OR4K17: variants seen among roughly 807,000 people sequenced by gnomAD.
OR4K17 encodes olfactory receptor family 4 subfamily K member 17.
For missense variants in OR4K17, 480 were observed against 366.3 expected (o/e 1.31, Z -2.53); for synonymous variants, 157 against 132.8 (o/e 1.18, Z -1.25).
In OR4K17 at chr14:20,118,146, T is replaced by A. The variant is rs1464569070; in HGVS notation, c.647T>A (p.Ile216Asn). The A allele has an allele frequency of 1.9e-6, 3 of 1,614,016 alleles. No individual in the cohort carries two copies. Among genetic ancestry groups the A allele is most frequent in the Admixed American group, 1.7e-5 (1 of 59,980 alleles). ...CTGAGCTGTTTCATTATTTTGCTTA[T>A]CTCCTACAGTCTGATCCTCATAACC... is the stretch of plus-strand genomic sequence containing the variant. Reference protein sequence around the residue: ...ISLSCFIILLISYSLILITIK... With the variant: ...ISLSCFIILLNSYSLILITIK... The change falls in exon 2 of 2, where the codon ATC (isoleucine) becomes AAC (asparagine). Residue 216 changes from isoleucine (I) to asparagine (N), a missense_variant. By Grantham distance (149) the Ile-to-Asn change is moderately radical (BLOSUM62 -3). Transcript: ENST00000641386.
chr14:20,117,210 A>G (rs896891281), intron 1 of OR4K17, among the ~76,000 whole-genome samples: 5 of 152,164 alleles, frequency 3.3e-5, no homozygotes, highest in South Asian at 2.1e-4. Flanking sequence ...CTTTTGTCCT[A>G]TGAAGATACA....
chr14:20,115,679 G>A (rs1258931048), intron 1 of OR4K17, among the ~76,000 whole-genome samples: 2 of 151,940 alleles, frequency 1.3e-5, no homozygotes, highest in Non-Finnish European at 1.5e-5. Context: ...TAAACTTTCT[G>A]AAGCATACAT....
intron 1 of OR4K17, among the ~76,000 whole-genome samples, chr14:20,111,553 C>T (rs892806823): frequency 1.3e-5 from 2 of 151,990 alleles, no homozygotes; most frequent in Non-Finnish European, 2.9e-5. Context: ...CTCAAAAACC[C>T]TTGCTAATTT....
intron 1 of OR4K17, among the ~76,000 whole-genome samples, chr14:20,112,574 G>A (rs906639619): frequency 2.0e-5 from 3 of 152,074 alleles, no homozygotes; most frequent in African/African-American, 7.2e-5. Context: ...ACACAAACTA[G>A]TTAGGTGAAG....
chr14:20,119,054 C>G lies in OR4K17; in HGVS notation c.*616C>G, dbSNP rs1243552755. On this transcript the variant is annotated 3_prime_UTR_variant, in exon 2 of 2. Transcript: ENST00000641386. The stretch of plus-strand genomic sequence containing the variant: ...GAGCGGCCATTTTAGAGACCTCCCC[C>G]TAGGAATGCATTCTCCTTCTCAGGG... 6.6e-6 allele frequency: 1 copy of G among 152,152 alleles called. No homozygotes were observed. The highest frequency in any genetic ancestry group is 6.5e-5 in the Admixed American group (1 of 15,268). The allele number at this position is 152,152 out of a possible 1,614,324, so 9.4% of individuals were successfully genotyped here.
Position 20,118,489 on chromosome 14 carries a change from C to T in OR4K17, c.*51C>T. On this transcript the variant is annotated 3_prime_UTR_variant, in exon 2 of 2. Coordinates refer to ENST00000641386, the MANE Select transcript of OR4K17 (RefSeq NM_001004715.5). ...GGCATGGTGGCTGATGCCTGTAATC[C>T]CCACACTTTGGGAGGAATATCAGGG... 1 of 1,102,188 alleles carries T rather than the reference C, an allele frequency of 9.1e-7. No homozygotes were observed. Among genetic ancestry groups the T allele is most frequent in the Non-Finnish European group, 1.3e-6 (1 of 764,528 alleles). 68.3% of individuals were successfully genotyped at this position (1,102,188 alleles called of 1,614,324 possible). A position where few individuals can be genotyped will look rare whatever the true frequency, so the allele number is the denominator to read the frequency against.
chr14:20,120,247 G>A lies in OR4K17; in HGVS notation c.*1809G>A, dbSNP rs1359255672. 2.0e-5 allele frequency: 3 copies of A among 152,266 alleles called. No individual in the cohort carries two copies. Among genetic ancestry groups the A allele is most frequent in the East Asian group, 3.9e-4 (2 of 5,170 alleles). The allele number at this position is 152,266 out of a possible 1,614,324, so 9.4% of individuals were successfully genotyped here. On this transcript the variant is annotated 3_prime_UTR_variant, in exon 2 of 2. Transcript: ENST00000641386. ...CTTTACAATATTAATGTCTAAGTCAGCACTCATATGCAGTGTCTCCTAAGA... is the reference window on the plus strand; with the variant it reads ...CTTTACAATATTAATGTCTAAGTCAACACTCATATGCAGTGTCTCCTAAGA...
At position 20,117,821 on chromosome 14, in the gene OR4K17, G is replaced by A. The variant is rs1594195948; in HGVS notation, c.322G>A (p.Gly108Ser). 6.2e-7 allele frequency: 1 copy of A among 1,613,976 alleles called. No homozygotes were observed. ...TCAGATATTTCTCCTTCACTTACTG[G>A]GTGGGGTTGAAATGGTACTGTTGGT... ...FTQIFLLHLLGGVEMVLLVSM... is the reference protein window; with the variant it reads ...FTQIFLLHLLSGVEMVLLVSM... The change falls in exon 2 of 2, where the codon GGT becomes AGT. Residue 108 changes from glycine to serine, a missense_variant. By Grantham distance (56) the Gly-to-Ser change is moderately conservative. Coordinates refer to ENST00000641386, the MANE Select transcript of OR4K17 (RefSeq NM_001004715.5).
intron 1 of OR4K17, among the ~76,000 whole-genome samples, chr14:20,112,719 C>T (rs977134179): frequency 1.3e-5 from 2 of 151,940 alleles, no homozygotes; most frequent in East Asian, 1.9e-4. Flanking sequence ...ATACATCTGT[C>T]GAGGTGAGAC....
rs559781066 is a variant in OR4K17, at chr14:20,118,805, C to T, written c.*367C>T. The stretch of plus-strand genomic sequence containing the variant: ...GGCAAATGGGGACAGAGCAAGATCA[C>T]AGGACCAGGGTGAAATTAACATTGC... On this transcript the variant is annotated 3_prime_UTR_variant, in exon 2 of 2. Coordinates refer to ENST00000641386, the MANE Select transcript of OR4K17 (RefSeq NM_001004715.5). The T allele has an allele frequency of 3.0e-5, 5 of 165,838 alleles. No homozygotes were observed. The South Asian group carries it at 6.7e-4, about 22-fold the overall frequency. The allele number at this position is 165,838 out of a possible 1,614,324, so 10.3% of individuals were successfully genotyped here.
rs749656343 is a variant in OR4K17 at position 20,117,563 on chromosome 14, G to A, written c.64G>A (p.Asp22Asn). Reference protein sequence around the residue: ...FILLGLTSSQDVEFLLFALFS... With the variant: ...FILLGLTSSQNVEFLLFALFS... ...TTTGCTGGGACTGACCAGCTCCCAG[G>A]ATGTAGAGTTTCTTCTCTTTGCCCT... Residue 22 changes from aspartate (D) to asparagine (N), a missense_variant, in exon 2 of 2, where the codon GAT (aspartate) becomes AAT (asparagine). Transcript: ENST00000641386. The A allele has an allele frequency of 2.5e-6, 4 of 1,613,876 alleles. No homozygotes were observed. The Admixed American group carries it at 6.7e-5, about 27-fold the overall frequency.
chr14:20,114,680 A>G (rs1239126017), intron 1 of OR4K17, among the ~76,000 whole-genome samples: 3 of 151,942 alleles, frequency 2.0e-5, no homozygotes, highest in African/African-American at 7.2e-5. Flanking sequence ...TTTCACACTG[A>G]TTTGGTTTCC....
At chr14:20,115,683 C>T (rs1877975996) in intron 1 of OR4K17, among the ~76,000 whole-genome samples, 1 of 151,900 alleles carries the variant, frequency 6.6e-6, no homozygotes, top group Non-Finnish European at 1.5e-5. Context: ...CTTTCTGAAG[C>T]ATACATAGTA....
intron 1 of OR4K17, among the ~76,000 whole-genome samples, chr14:20,111,186 A>G (rs1214348354): frequency 6.6e-6 from 1 of 152,082 alleles, no homozygotes; most frequent in Non-Finnish European, 1.5e-5. Context: ...ACTGAGGCTT[A>G]AGTATATGCT....
At chr14:20,116,946 G>T (rs150245716) in intron 1 of OR4K17, among the ~76,000 whole-genome samples, 1 of 152,118 alleles carries the variant, frequency 6.6e-6, no homozygotes, top group African/African-American at 2.4e-5. Flanking sequence ...TTGCAACCTC[G>T]CTAACTCACT....
Position 20,118,748 on chromosome 14 carries a change from C to T in OR4K17, c.*310C>T, listed in dbSNP as rs1194061002. 4.8e-6 allele frequency: 1 copy of T among 210,012 alleles called. No individual in the cohort carries two copies. The highest frequency in any genetic ancestry group is 9.6e-6 in the Non-Finnish European group (1 of 104,658). 13.0% of individuals were successfully genotyped at this position (210,012 alleles called of 1,614,324 possible). A position where few individuals can be genotyped will look rare whatever the true frequency, so the allele number is the denominator to read the frequency against. ...CGAATAGGGTGTGGGTCACAGAGATCACATGCATCACAAGGCAATAAAATA... is the reference window on the plus strand; with the variant it reads ...CGAATAGGGTGTGGGTCACAGAGATTACATGCATCACAAGGCAATAAAATA... On this transcript the variant is annotated 3_prime_UTR_variant, in exon 2 of 2. Coordinates refer to ENST00000641386, the MANE Select transcript of OR4K17 (RefSeq NM_001004715.5).
intron 1 of OR4K17, among the ~76,000 whole-genome samples, chr14:20,116,275 T>C (rs904728740): frequency 6.6e-6 from 1 of 152,180 alleles, no homozygotes; most frequent in African/African-American, 2.4e-5. Flanking sequence ...ACCTATCTTT[T>C]TTATGAGATT....
At chr14:20,112,881 T>C (rs573125934) in intron 1 of OR4K17, among the ~76,000 whole-genome samples, 18 of 152,208 alleles carry the variant, frequency 1.2e-4, no homozygotes, top group African/African-American at 4.3e-4. Context: ...GCTGAAAATA[T>C]GAATCCTGTG....
chr14:20,111,156 A>G lies in OR4K17; in HGVS notation c.-33+264A>G, dbSNP rs1316836907. 5.3e-5 allele frequency among the ~76,000 whole-genome samples: 8 copies of G among 152,048 alleles called. No homozygotes were observed. The East Asian group carries it at 1.3e-3, about 26-fold the overall frequency. ...AGAACCTCAATAAATGATTGAATTT[A>G]TTATCATTTGGAAAATGACACTGAG... On this transcript the variant is annotated intron_variant, in intron 1 of 1. Coordinates refer to ENST00000641386, the MANE Select transcript of OR4K17 (RefSeq NM_001004715.5).
Sources: allele counts gnomAD v4.1 joint callset (sites outside exome capture counted in the v4.1 genomes callset), GRCh38; gene constraint gnomAD v4.1.1; transcripts MANE v1.5; gene names NCBI Gene and HGNC (gene_info 2026-07-23, HGNC 2026-07-21).